FNBP1: variants seen among roughly 807,000 people sequenced by gnomAD.
FNBP1 encodes the protein formin binding protein 1.
In FNBP1, 26 loss-of-function variants were observed where a neutral mutation model predicts 90.6. That is an observed-to-expected ratio of 0.29 (90% confidence interval 0.21 to 0.40). FNBP1 has a LOEUF of 0.40. Among genes scored for constraint, FNBP1 ranks in the 10% least tolerant of loss-of-function variants. The pLI is 1.00. For missense variants in FNBP1, 635 were observed against 768.0 expected, an observed-to-expected ratio of 0.83 and a Z score of 2.05; for synonymous variants, 260 against 265.2, an observed-to-expected ratio of 0.98 and a Z score of 0.19.
At chr9:130,018,700 C>T (rs1465738707) in intron 1 of FNBP1, among the ~76,000 whole-genome samples, 2 of 152,130 alleles carry the variant, frequency 1.3e-5, no homozygotes, top group Non-Finnish European at 2.9e-5. Context: ...ATCTCTGCCT[C>T]CCAAAGTGCT....
chr9:129,993,002 G>A lies in FNBP1; in HGVS notation c.140+1841C>T, dbSNP rs1454586882. Reference sequence around the variant, plus strand: ...AGCACTTTGGGAGACCGAGGCAGGCGGATCACTTGAGGTCAGGAGTTCAAG... The same window carrying A: ...AGCACTTTGGGAGACCGAGGCAGGCAGATCACTTGAGGTCAGGAGTTCAAG... On this transcript the variant is annotated intron_variant, in intron 2 of 16. Coordinates refer to ENST00000446176, the MANE Select transcript of FNBP1 (RefSeq NM_015033.3). Among the ~76,000 whole-genome samples, 10 of 150,492 alleles carry A rather than the reference G, an allele frequency of 6.6e-5. 1 individual carries two copies. The highest frequency in any genetic ancestry group is 1.3e-4 in the Admixed American group (2 of 15,176).
At chr9:129,996,499 C>T (rs2417201) in intron 1 of FNBP1, among the ~76,000 whole-genome samples, 15,898 of 152,056 alleles carry the variant, frequency 0.1, 1,856 homozygotes, top group East Asian at 0.64. Context: ...AGAGACAGGC[C>T]CCCAAATGTT....
intron 12 of FNBP1, among the ~76,000 whole-genome samples, chr9:129,905,879 C>CTTTTTTTTTTTTTTTTTTTTTTTT (rs35439760): frequency 2.8e-5 from 4 of 145,392 alleles, no homozygotes; most frequent in South Asian, 2.2e-4. Flanking sequence ...AGGCATATTT[C>CTTTTTTTTTTTTTTTTTTTTTTTT]TTTTTTTTTT....
At chr9:130,051,484 A>G in the FNBP1 span, among the ~76,000 whole-genome samples, 1 of 152,238 alleles carries the variant, frequency 6.6e-6, no homozygotes, top group Non-Finnish European at 1.5e-5. Flanking sequence ...ATTCAACACT[A>G]CACATTCTAG....
At chr9:130,043,232 G>T, upstream of FNBP1, 1 of 319,590 alleles carries the variant, frequency 3.1e-6, no homozygotes, top group Non-Finnish European at 5.7e-6. Context: ...GAGAGCGGGG[G>T]AGGGGCGGGA....
intron 7 of FNBP1, among the ~76,000 whole-genome samples, chr9:129,928,673 GA>G (rs1210774897): frequency 8.1e-5 from 12 of 148,938 alleles, no homozygotes; most frequent in Middle Eastern, 3.5e-3. Context: ...AAAAAAAAAA[GA>G]AAAAAAGAAA....
upstream of FNBP1, among the ~76,000 whole-genome samples, chr9:130,043,920 G>A (rs1431694264): frequency 6.6e-6 from 1 of 152,226 alleles, no homozygotes; most frequent in African/African-American, 2.4e-5. Flanking sequence ...TGGCCGGGCG[G>A]AGGCGGACAA....
At position 129,893,612 on chromosome 9, in the gene FNBP1, C is replaced by CA. The variant is rs1216398298; in HGVS notation, c.1846+2225dup. The stretch of plus-strand genomic sequence containing the variant: ...TAGGTGACAGAGTGAGACTCTGTCT[C>CA]AAAAAAAAAAAAAAAAAAAAAAAAA... On this transcript the variant is annotated intron_variant, in intron 16 of 16. Coordinates refer to ENST00000446176, the MANE Select transcript of FNBP1 (RefSeq NM_015033.3). Among the ~76,000 whole-genome samples, 81 of 22,310 alleles carry CA rather than the reference C, an allele frequency of 3.6e-3. 20 individuals are homozygous for CA. The highest frequency in any genetic ancestry group is 5.6e-3 in the Non-Finnish European group (70 of 12,394). 14.6% of individuals were successfully genotyped at this position (22,310 alleles called of 152,430 possible).
intron 12 of FNBP1, among the ~76,000 whole-genome samples, chr9:129,907,218 G>GATCT (rs1441585475): frequency 6.6e-6 from 1 of 151,954 alleles, no homozygotes; most frequent in Non-Finnish European, 1.5e-5. Context: ...TTATAAGTTA[G>GATCT]ATGTGTCTTT....
intron 2 of FNBP1, among the ~76,000 whole-genome samples, chr9:129,991,776 C>T (rs995676239): frequency 2.6e-5 from 4 of 151,838 alleles, no homozygotes; most frequent in African/African-American, 9.7e-5. Flanking sequence ...TCTCCTGCCT[C>T]AGCCTCCCAA....
Position 130,041,230 on chromosome 9 carries a change from G to A in FNBP1, c.24+1722C>T, listed in dbSNP as rs1002125160. Reference sequence around the variant, plus strand: ...GTACAGAATAATGCAAGCAATTGCCGCTGTTTTAGCAGTTTTGCTCATAGC... The same window carrying A: ...GTACAGAATAATGCAAGCAATTGCCACTGTTTTAGCAGTTTTGCTCATAGC... On this transcript the variant is annotated intron_variant, in intron 1 of 16. Coordinates refer to ENST00000446176, the MANE Select transcript of FNBP1 (RefSeq NM_015033.3). The surrounding 1 kb of genome is among the most constrained non-coding windows in gnomAD (Gnocchi z 4.3). Among the ~76,000 whole-genome samples, 4 of 152,008 alleles carry A rather than the reference G, an allele frequency of 2.6e-5. No homozygotes were observed. Among genetic ancestry groups the A allele is most frequent in the African/African-American group, 4.8e-5 (2 of 41,370 alleles).
At chr9:129,937,061 T>C (rs937483647) in intron 6 of FNBP1, among the ~76,000 whole-genome samples, 4 of 151,962 alleles carry the variant, frequency 2.6e-5, no homozygotes, top group African/African-American at 7.2e-5. Flanking sequence ...TCCCAGCTGC[T>C]TGGGAGGCTG....
intron 6 of FNBP1, among the ~76,000 whole-genome samples, chr9:129,936,082 T>G (rs1759068868): frequency 6.6e-6 from 1 of 152,196 alleles, no homozygotes; most frequent in African/African-American, 2.4e-5. Flanking sequence ...TTTGGAAAGC[T>G]GCTTTTCCTT....
At chr9:129,916,911 G>A (rs932175753) in intron 10 of FNBP1, among the ~76,000 whole-genome samples, 1 of 152,142 alleles carries the variant, frequency 6.6e-6, no homozygotes, top group South Asian at 2.1e-4. Flanking sequence ...TCTCCCACCC[G>A]AGAAGTGTGT....
intron 6 of FNBP1, among the ~76,000 whole-genome samples, chr9:129,953,208 A>C (rs2046425734): frequency 6.6e-6 from 1 of 152,130 alleles, no homozygotes; most frequent in African/African-American, 2.4e-5. Flanking sequence ...AAATCTTGCC[A>C]GGTATGGTGG....
intron 4 of FNBP1, among the ~76,000 whole-genome samples, chr9:129,961,354 C>T (rs1363881102): frequency 1.3e-5 from 2 of 151,986 alleles, no homozygotes; most frequent in Non-Finnish European, 2.9e-5. Flanking sequence ...AGTAGAGAGA[C>T]TAATATGTAC....
chr9:129,910,054 C>T, intron 11 of FNBP1: 2 of 448,608 alleles, frequency 4.5e-6, no homozygotes, highest in South Asian at 3.1e-5. Context: ...CAGCTGCTCT[C>T]TTTACACTGT....
At chr9:129,980,824 G>A (rs1349623520) in intron 2 of FNBP1, among the ~76,000 whole-genome samples, 2 of 151,870 alleles carry the variant, frequency 1.3e-5, no homozygotes, top group African/African-American at 4.8e-5. Flanking sequence ...GGCTGAGGCG[G>A]GTGGATCACG....
intron 15 of FNBP1, among the ~76,000 whole-genome samples, chr9:129,896,819 C>T (rs1316259363): frequency 1.3e-5 from 2 of 150,932 alleles, no homozygotes; most frequent in East Asian, 1.9e-4. Flanking sequence ...TTAGTAGAGA[C>T]GAGGTTTCAC....
Sources: allele counts gnomAD v4.1 joint callset (sites outside exome capture counted in the v4.1 genomes callset), GRCh38; gene constraint gnomAD v4.1.1; non-coding constraint Gnocchi (gnomAD v3.1); transcripts MANE v1.5; gene names NCBI Gene and HGNC (gene_info 2026-07-23, HGNC 2026-07-21).